The following ZBTB16 variants were observed in gnomAD, a reference collection of about 807,000 sequenced individuals.
ZBTB16 encodes zinc finger and BTB domain containing 16.
ZBTB16 carries 8 observed loss-of-function variants against 56.8 expected under a neutral mutation model. The ratio of observed to expected loss-of-function variants is 0.14; its 90% CI spans 0.08 to 0.25. The LOEUF is 0.25. ZBTB16 is among the 10% of genes least tolerant of loss of function. ZBTB16 has a pLI of 1.00. For synonymous variants in ZBTB16, 363 were observed against 368.5 expected (o/e 0.98, Z 0.17); for missense variants, 625 against 903.0 (o/e 0.69, Z 3.95).
Position 114,211,503 on chromosome 11 carries a change from G to A in ZBTB16, c.1453+24465G>A, listed in dbSNP as rs112596581. On this transcript the variant is annotated intron_variant, in intron 4 of 6. Coordinates refer to ENST00000335953, the MANE Select transcript of ZBTB16 (RefSeq NM_006006.6). Reference sequence around the variant, plus strand: ...ATACACATGAAGTGCTTACTGTGGGGTTTGGTGCTTACTAAGTGTTGAGCC... The same window carrying A: ...ATACACATGAAGTGCTTACTGTGGGATTTGGTGCTTACTAAGTGTTGAGCC... Among the ~76,000 whole-genome samples, 1,175 of 152,322 alleles carry A rather than the reference G, an allele frequency of 7.7e-3. 9 individuals carry two copies. The highest frequency in any genetic ancestry group is 0.01 in the Non-Finnish European group (693 of 68,026).
chr11:114,079,609 A>G (rs912397819), intron 2 of ZBTB16, among the ~76,000 whole-genome samples: 1 of 152,226 alleles, frequency 6.6e-6, no homozygotes, highest in Non-Finnish European at 1.5e-5. Flanking sequence ...TGTGTGCCGC[A>G]TTCTTTTGCT....
chr11:114,109,513 C>T (rs565865522), intron 2 of ZBTB16, among the ~76,000 whole-genome samples: 2 of 152,104 alleles, frequency 1.3e-5, no homozygotes, highest in African/African-American at 4.8e-5. Flanking sequence ...ACAATGAGGC[C>T]GAGATGTTTT....
chr11:114,236,258 G>A (rs769467439), intron 4 of ZBTB16, among the ~76,000 whole-genome samples: 25 of 152,264 alleles, frequency 1.6e-4, no homozygotes, highest in Middle Eastern at 6.8e-3. Context: ...TCATAACAGG[G>A]CTATGAAGTT....
chr11:114,176,994 G>C (rs1943131974), intron 3 of ZBTB16, among the ~76,000 whole-genome samples: 1 of 152,144 alleles, frequency 6.6e-6, no homozygotes, highest in Non-Finnish European at 1.5e-5. Context: ...TTGCGATTGG[G>C]CTTCTCCCAG....
At chr11:114,140,051 C>A (rs1033234782) in intron 2 of ZBTB16, among the ~76,000 whole-genome samples, 1 of 152,220 alleles carries the variant, frequency 6.6e-6, no homozygotes, top group African/African-American at 2.4e-5. Flanking sequence ...CACCTCTTTT[C>A]TCCATTAGCT....
chr11:114,228,616 C>T (rs947300511), intron 4 of ZBTB16, among the ~76,000 whole-genome samples: 3 of 152,260 alleles, frequency 2.0e-5, no homozygotes, highest in Admixed American at 6.5e-5. Context: ...GCACAGTGCA[C>T]GGGGCTGGGA....
chr11:114,194,462 T>TA (rs2135083618), intron 4 of ZBTB16, among the ~76,000 whole-genome samples: 1 of 152,276 alleles, frequency 6.6e-6, no homozygotes, highest in Non-Finnish European at 1.5e-5. Flanking sequence ...AGGCCACGCT[T>TA]ATGGTTGGGC....
chr11:114,227,715 G>A (rs1358408532), intron 4 of ZBTB16, among the ~76,000 whole-genome samples: 3 of 152,172 alleles, frequency 2.0e-5, no homozygotes, highest in African/African-American at 7.2e-5. Flanking sequence ...TTCCTGGGAG[G>A]CCAAGCATTT....
intron 4 of ZBTB16, chr11:114,188,873 C>T (rs758420366): frequency 2.6e-5 from 4 of 152,192 alleles, no homozygotes; most frequent in Non-Finnish European, 5.9e-5. Flanking sequence ...TAGGGAAGGC[C>T]TCTCCAAGAA....
At chr11:114,249,783 AAAAAAAG>A (rs984988147) in intron 6 of ZBTB16, among the ~76,000 whole-genome samples, 3 of 147,930 alleles carry the variant, frequency 2.0e-5, no homozygotes, top group African/African-American at 7.5e-5. Flanking sequence ...AAAAAAAAAA[AAAAAAAG>A]AGAGCTTTAG....
chr11:114,145,796 G>A (rs2134914466), intron 2 of ZBTB16, among the ~76,000 whole-genome samples: 1 of 152,268 alleles, frequency 6.6e-6, no homozygotes, highest in South Asian at 2.1e-4. Context: ...TTTGTGGTAC[G>A]TGGAAAATAC....
intron 2 of ZBTB16, among the ~76,000 whole-genome samples, chr11:114,134,154 T>A (rs1941739404): frequency 6.6e-6 from 1 of 152,162 alleles, no homozygotes; most frequent in Non-Finnish European, 1.5e-5. Context: ...CTTAATTTAG[T>A]AGGACTCTGC....
In ZBTB16 at chr11:114,164,634, C is replaced by T. The variant is rs181434553; in HGVS notation, c.1366+8200C>T. 3.3e-5 allele frequency among the ~76,000 whole-genome samples: 5 copies of T among 152,334 alleles called. No individual in the cohort carries two copies. In the East Asian group the frequency reaches 9.7e-4, roughly 29 times the overall value. ...TTTCGTCTTCCCTTGGCTTCGCAGA[C>T]ACACACCCTGCCGGAAGCGTTCTTA... On this transcript the variant is annotated intron_variant, in intron 3 of 6. Transcript: ENST00000335953.
chr11:114,072,553 TTCCTGCCTGTCAGTGCAGGA>T (rs1939387571), intron 2 of ZBTB16, among the ~76,000 whole-genome samples: 1 of 152,270 alleles, frequency 6.6e-6, no homozygotes, highest in South Asian at 2.1e-4. Flanking sequence ...CTCCTTCCCT[TTCCTGCCTGTCAGTGCAGGA>T]TGCTTCTAAA....
At chr11:114,177,771 C>G (rs1943152428) in intron 3 of ZBTB16, among the ~76,000 whole-genome samples, 1 of 152,088 alleles carries the variant, frequency 6.6e-6, no homozygotes, top group Non-Finnish European at 1.5e-5. Flanking sequence ...AAGGTGAACC[C>G]CTGAGTCACT....
chr11:114,062,728 C>G (rs1272455164), intron 1 of ZBTB16, among the ~76,000 whole-genome samples: 1 of 152,224 alleles, frequency 6.6e-6, no homozygotes, highest in Non-Finnish European at 1.5e-5. Context: ...TTCTGGGGCT[C>G]CTGTAGTGAG....
intron 2 of ZBTB16, among the ~76,000 whole-genome samples, chr11:114,070,355 G>A (rs1025236265): frequency 4.6e-5 from 7 of 152,000 alleles, no homozygotes; most frequent in Admixed American, 6.5e-5. Context: ...TGATCCACCC[G>A]CCTCGGCCTC....
At chr11:114,082,287 ACACAAC>A (rs1939793888) in intron 2 of ZBTB16, among the ~76,000 whole-genome samples, 1 of 151,714 alleles carries the variant, frequency 6.6e-6, no homozygotes, top group East Asian at 1.9e-4. Context: ...CTCTATTTCA[ACACAAC>A]AACAACAACA....
intron 3 of ZBTB16, among the ~76,000 whole-genome samples, chr11:114,172,862 T>TTTTGG (rs1943006487): frequency 6.6e-6 from 1 of 152,200 alleles, no homozygotes; most frequent in Non-Finnish European, 1.5e-5. Flanking sequence ...TTTTGTTTTG[T>TTTTGG]TTTGGTTTGT....
Sources: gnomAD v4.1 joint callset for allele counts (sites outside exome capture counted in the v4.1 genomes callset) on GRCh38, gnomAD v4.1.1 for gene constraint, MANE v1.5 for transcripts, NCBI Gene and HGNC (gene_info 2026-07-23, HGNC 2026-07-21) for gene names.